CPE: variants seen among roughly 807,000 people sequenced by gnomAD.
CPE encodes the protein carbocypeptidase E.
In CPE, 17 loss-of-function variants were observed where a neutral mutation model predicts 53.5. The ratio of observed to expected loss-of-function variants is 0.32; its 90% CI spans 0.22 to 0.48. The LOEUF is 0.48. Ranked by LOEUF, CPE falls within the 20% of genes least tolerant of loss-of-function variation. The pLI is 0.99. For missense variants in CPE, 524 were observed against 614.7 expected, an observed-to-expected ratio of 0.85 and a Z score of 1.56; for synonymous variants, 226 against 228.8, an observed-to-expected ratio of 0.99 and a Z score of 0.11.
chr4:165,439,302 G>GT (rs1731567913), intron 1 of CPE, among the ~76,000 whole-genome samples: 2 of 152,002 alleles, frequency 1.3e-5, no homozygotes, highest in Non-Finnish European at 2.9e-5. Flanking sequence ...TAAAATTTTA[G>GT]TAAGGCAGCA....
Position 165,464,597 on chromosome 4 carries a change from G to A in CPE, c.504+11G>A. On this transcript the variant is annotated intron_variant, in intron 2 of 8. Coordinates refer to ENST00000402744, the MANE Select transcript of CPE (RefSeq NM_001873.4). ...AAGGCAGCGTCTCAGGTGAGTGCCA[G>A]GCAGCTCAGATCAGGCGTGCTTTCT... is the stretch of plus-strand genomic sequence containing the variant. 1 of 1,598,888 alleles carries A rather than the reference G, an allele frequency of 6.3e-7. No homozygotes were observed. The highest frequency in any genetic ancestry group is 8.5e-7 in the Non-Finnish European group (1 of 1,172,126).
chr4:165,387,296 C>G (rs910819209), intron 1 of CPE, among the ~76,000 whole-genome samples: 2 of 152,146 alleles, frequency 1.3e-5, no homozygotes, highest in Non-Finnish European at 2.9e-5. Context: ...AAATGAATTA[C>G]TTATGATAAT....
chr4:165,379,388 A>T lies in CPE; in HGVS notation c.167A>T (p.Tyr56Phe), dbSNP rs1277324457. ...EDGISFEYHR[Y>F]PELREALVSV... ...GGCATCTCCTTCGAGTACCACCGCT[A>T]CCCCGAGCTGCGCGAGGCGCTCGTG... The change falls in exon 1 of 9, where the codon TAC (tyrosine) becomes TTC (phenylalanine). Residue 56 changes from tyrosine (Y) to phenylalanine (F), a missense_variant. Physicochemically the swap from Tyr to Phe is conservative, Grantham distance 22. Transcript: ENST00000402744. This position sits in a 1 kb window ranked among gnomAD's most constrained non-coding sequence, Gnocchi z 6.0. 1 of 1,608,844 alleles carries T rather than the reference A, an allele frequency of 6.2e-7. No individual in the cohort carries two copies. The highest frequency in any genetic ancestry group is 1.1e-5 in the South Asian group (1 of 90,338).
chr4:165,418,233 A>C (rs1397721277), intron 1 of CPE: 1 of 152,260 alleles, frequency 6.6e-6, no homozygotes, highest in Non-Finnish European at 1.5e-5. Flanking sequence ...CAGGAGACAC[A>C]AGAGTGGGAA....
chr4:165,447,700 C>A (rs771888472), intron 1 of CPE, among the ~76,000 whole-genome samples: 13 of 152,012 alleles, frequency 8.6e-5, no homozygotes, highest in Non-Finnish European at 1.2e-4. Context: ...TTTGTAATCA[C>A]ACAGCTTAAA....
chr4:165,421,100 G>T (rs914598204), intron 1 of CPE, among the ~76,000 whole-genome samples: 4 of 152,160 alleles, frequency 2.6e-5, no homozygotes, highest in African/African-American at 9.7e-5. Context: ...CTGCATTGTA[G>T]TGGAAAATTA....
At position 165,467,875 on chromosome 4, in the gene CPE, C is replaced by G. The variant is rs774106692; in HGVS notation, c.672+20C>G. 2 of 1,611,504 alleles carry G rather than the reference C, an allele frequency of 1.2e-6. No homozygotes were observed. The highest frequency in any genetic ancestry group is 8.5e-7 in the Non-Finnish European group (1 of 1,178,744). Reference sequence around the variant, plus strand: ...ACAAAGGTAGTGACCACGGGATAGTCTTCTTGGGTTCGTCTCTAGCCTAAG... The same window carrying G: ...ACAAAGGTAGTGACCACGGGATAGTGTTCTTGGGTTCGTCTCTAGCCTAAG... On this transcript the variant is annotated intron_variant, in intron 3 of 8. Transcript: ENST00000402744.
At chr4:165,381,368 A>C (rs1240109972) in intron 1 of CPE, 1 of 454,916 alleles carries the variant, frequency 2.2e-6, no homozygotes. Context: ...TTATGAAATA[A>C]TCTACATTAT....
At chr4:165,460,141 G>A (rs1371279192) in intron 1 of CPE, among the ~76,000 whole-genome samples, 1 of 151,842 alleles carries the variant, frequency 6.6e-6, no homozygotes. Context: ...TTTTTCTTCT[G>A]TGTAAACACT....
In CPE at chr4:165,498,340, T is replaced by G. The variant is rs1013237165; in HGVS notation, c.*730T>G. On this transcript the variant is annotated 3_prime_UTR_variant, in exon 9 of 9. Transcript: ENST00000402744. ...ATCCCCAGTGCATGTATTTCAGTTC[T>G]CTAAGATTTTTGGTCTGGCATTGTG... The G allele has an allele frequency of 5.9e-5, 9 of 152,194 alleles. No individual in the cohort carries two copies. The highest frequency in any genetic ancestry group is 1.9e-4 in the African/African-American group (8 of 41,450). 9.4% of individuals were successfully genotyped at this position (152,194 alleles called of 1,614,324 possible). A position where few individuals can be genotyped will look rare whatever the true frequency, so the allele number is the denominator to read the frequency against.
intron 1 of CPE, among the ~76,000 whole-genome samples, chr4:165,422,305 A>T (rs1383190863): frequency 6.6e-6 from 1 of 151,424 alleles, no homozygotes; most frequent in Non-Finnish European, 1.5e-5. Context: ...CTTTCATCTC[A>T]TTTATTATTT....
At chr4:165,481,017 T>TATA (rs1553978734) in intron 3 of CPE, among the ~76,000 whole-genome samples, 23 of 42,176 alleles carry the variant, frequency 5.5e-4, no homozygotes, top group Middle Eastern at 0.017. Flanking sequence ...TATATATATA[T>TATA]TTTTTTTTTT....
intron 1 of CPE, chr4:165,405,950 T>C: frequency 1.4e-6 from 1 of 731,494 alleles, no homozygotes; most frequent in Non-Finnish European, 2.6e-6. Flanking sequence ...CTTTATGGAC[T>C]TTTCAAGTTT....
At chr4:165,404,529 G>A in intron 1 of CPE, 1 of 856,272 alleles carries the variant, frequency 1.2e-6, no homozygotes, top group African/African-American at 1.6e-5. Context: ...CCTCCAAACT[G>A]CTCCCCAAAG....
At chr4:165,417,817 C>T (rs532006117) in intron 1 of CPE, among the ~76,000 whole-genome samples, 1 of 150,256 alleles carries the variant, frequency 6.7e-6, no homozygotes, top group South Asian at 2.1e-4. Context: ...CCCCTGGTAT[C>T]GTGCTTGGAA....
chr4:165,456,192 T>C (rs981976938), intron 1 of CPE, among the ~76,000 whole-genome samples: 1 of 152,176 alleles, frequency 6.6e-6, no homozygotes, highest in Non-Finnish European at 1.5e-5. Flanking sequence ...TGCTGACAAA[T>C]ATTTTAGAAA....
In CPE at chr4:165,412,885, G is replaced by A. The variant is rs368508722; in HGVS notation, c.307+33357G>A. ...CATGTATTCCATTTCTTTTTGCACC[G>A]TTATAACCAGTGATTTTCTCGAATC... On this transcript the variant is annotated intron_variant, in intron 1 of 8. Coordinates refer to ENST00000402744, the MANE Select transcript of CPE (RefSeq NM_001873.4). Among the ~76,000 whole-genome samples, 45 of 152,086 alleles carry A rather than the reference G, an allele frequency of 3.0e-4. 1 individual carries two copies. The highest frequency in any genetic ancestry group is 6.2e-4 in the Non-Finnish European group (42 of 68,010).
At chr4:165,400,928 T>C (rs938560683) in intron 1 of CPE, among the ~76,000 whole-genome samples, 1 of 152,212 alleles carries the variant, frequency 6.6e-6, no homozygotes, top group Non-Finnish European at 1.5e-5. Context: ...GGGTATTTGT[T>C]AATAGAGCCC....
intron 1 of CPE, among the ~76,000 whole-genome samples, chr4:165,399,257 A>C (rs1352285919): frequency 2.6e-5 from 4 of 152,244 alleles, no homozygotes. Flanking sequence ...GGGTGATAAA[A>C]ATAATGGATT....
Sources: gnomAD v4.1 joint callset for allele counts (sites outside exome capture counted in the v4.1 genomes callset) on GRCh38, gnomAD v4.1.1 for gene constraint, Gnocchi (gnomAD v3.1) non-coding constraint, MANE v1.5 for transcripts, NCBI Gene and HGNC (gene_info 2026-07-23, HGNC 2026-07-21) for gene names.